DPYSL5: variants seen among roughly 807,000 people sequenced by gnomAD.
DPYSL5 encodes dihydropyrimidinase-related protein 5.
Under a neutral mutation model 58.4 loss-of-function variants are expected in DPYSL5, and 9 were observed. The observed-to-expected ratio is 0.15, with a 90% CI of 0.09 to 0.27. DPYSL5 has a LOEUF of 0.27. DPYSL5 is among the 10% of genes least tolerant of loss of function. DPYSL5 has a pLI of 1.00. For missense variants in DPYSL5, 499 were observed against 770.6 expected (o/e 0.65, Z 4.17); for synonymous variants, 293 against 301.9 (o/e 0.97, Z 0.31).
intron 1 of DPYSL5, among the ~76,000 whole-genome samples, chr2:26,889,234 A>G (rs1190522307): frequency 6.6e-6 from 1 of 151,838 alleles, no homozygotes; most frequent in Non-Finnish European, 1.5e-5. Flanking sequence ...AGCATCAACA[A>G]TCGGTAAAAC....
chr2:26,866,986 G>C (rs565219683), intron 1 of DPYSL5, among the ~76,000 whole-genome samples: 14 of 151,646 alleles, frequency 9.2e-5, no homozygotes, highest in African/African-American at 3.1e-4. Flanking sequence ...CGCATGCCTC[G>C]GCCTCCCAAA....
intron 2 of DPYSL5, among the ~76,000 whole-genome samples, chr2:26,899,256 G>A (rs1315773373): frequency 1.3e-5 from 2 of 152,074 alleles, no homozygotes; most frequent in African/African-American, 2.4e-5. Flanking sequence ...GCTGGTGGTG[G>A]GCTCTCTTTT....
chr2:26,874,460 G>A (rs1055960344), intron 1 of DPYSL5, among the ~76,000 whole-genome samples: 1 of 152,020 alleles, frequency 6.6e-6, no homozygotes, highest in Non-Finnish European at 1.5e-5. Flanking sequence ...AGCATCATTT[G>A]TTGAAAGACT....
rs1301206740 is a variant in DPYSL5, at chr2:26,948,216, G to T, written c.*1221G>T. The stretch of plus-strand genomic sequence containing the variant: ...CTGAGAGAGGAGGAGTGGGAGAGGG[G>T]CTTGCCAGACACCAGAGAGGGAGAC... On this transcript the variant is annotated 3_prime_UTR_variant, in exon 13 of 13. Transcript: ENST00000288699. 6.6e-6 allele frequency: 1 copy of T among 152,354 alleles called. No homozygotes were observed. The highest frequency in any genetic ancestry group is 2.4e-5 in the African/African-American group (1 of 41,470). 9.4% of individuals were successfully genotyped at this position (152,354 alleles called of 1,614,324 possible).
intron 1 of DPYSL5, among the ~76,000 whole-genome samples, chr2:26,880,973 C>T (rs960008647): frequency 3.9e-5 from 6 of 152,170 alleles, no homozygotes; most frequent in African/African-American, 1.2e-4. Flanking sequence ...TCAGCCATAA[C>T]GTGGGGATAA....
intron 1 of DPYSL5, among the ~76,000 whole-genome samples, chr2:26,868,347 G>A (rs1472265155): frequency 2.6e-5 from 4 of 151,850 alleles, no homozygotes; most frequent in African/African-American, 4.8e-5. Flanking sequence ...TTATCAAGTC[G>A]GAATTGTGTC....
At chr2:26,909,714 G>T (rs1460470989) in intron 2 of DPYSL5, among the ~76,000 whole-genome samples, 2 of 152,016 alleles carry the variant, frequency 1.3e-5, no homozygotes, top group African/African-American at 4.8e-5. Flanking sequence ...GTTTGAGGCT[G>T]CAGTGAGCTA....
Position 26,898,185 on chromosome 2 carries a change from G to A in DPYSL5, c.-4-311G>A, listed in dbSNP as rs144775145. 6.6e-6 allele frequency among the ~76,000 whole-genome samples: 1 copy of A among 152,280 alleles called. No homozygotes were observed. The highest frequency in any genetic ancestry group is 2.1e-4 in the South Asian group (1 of 4,828). On this transcript the variant is annotated intron_variant, in intron 1 of 12. Transcript: ENST00000288699. This position sits in a 1 kb window ranked among gnomAD's most constrained non-coding sequence, Gnocchi z 6.1. ...TGGGGATAGTAGAGATATGAGAAAT[G>A]AGATATGAGAGATAGAAAATGAGAT... is the stretch of plus-strand genomic sequence containing the variant.
rs991560530 is a variant in DPYSL5, at chr2:26,849,417, G to T, written c.-5+1163G>T. On this transcript the variant is annotated intron_variant, in intron 1 of 12. Transcript: ENST00000288699. The surrounding 1 kb of genome is among the most constrained non-coding windows in gnomAD (Gnocchi z 6.2). ...TCAGCTCCAGGCGCGGGGCCCCGCG[G>T]CCCAGGTGGCCGGCTGGGCGTGGCC... Among the ~76,000 whole-genome samples the T allele has an allele frequency of 3.9e-4, 60 of 152,076 alleles. 1 individual carries two copies. The highest frequency in any genetic ancestry group is 8.5e-4 in the Admixed American group (13 of 15,292).
At chr2:26,862,760 A>G (rs555530623) in intron 1 of DPYSL5, among the ~76,000 whole-genome samples, 12 of 152,292 alleles carry the variant, frequency 7.9e-5, no homozygotes, top group Non-Finnish European at 1.8e-4. Context: ...GGTCCAGCAG[A>G]GTGGGGCAGC....
chr2:26,865,692 G>T (rs915324517), intron 1 of DPYSL5, among the ~76,000 whole-genome samples: 10 of 152,270 alleles, frequency 6.6e-5, no homozygotes, highest in Non-Finnish European at 1.2e-4. Flanking sequence ...CATAATAGGT[G>T]TGGCCCATTA....
At chr2:26,902,037 C>G (rs1301966822) in intron 2 of DPYSL5, among the ~76,000 whole-genome samples, 3 of 152,050 alleles carry the variant, frequency 2.0e-5, no homozygotes, top group Non-Finnish European at 4.4e-5. Flanking sequence ...GCAGCACCCC[C>G]ACAACACCCC....
intron 6 of DPYSL5, among the ~76,000 whole-genome samples, chr2:26,932,173 AAG>A (rs1197619184): frequency 9.7e-5 from 7 of 72,062 alleles, no homozygotes; most frequent in Non-Finnish European, 1.8e-4. Context: ...GAAAGAAAGA[AAG>A]AAAGAAAGAA....
In DPYSL5 at chr2:26,925,454, G is replaced by A. The variant is rs573714725; in HGVS notation, c.420+409G>A. Among the ~76,000 whole-genome samples the A allele has an allele frequency of 1.5e-4, 23 of 152,202 alleles. No individual in the cohort carries two copies. The highest frequency in any genetic ancestry group is 3.2e-4 in the Non-Finnish European group (22 of 68,038). ...GTGTACTGAGAGTCCACCACACTGC[G>A]CTGAGGTCTCCGAACTGAGGCTCCC... is the stretch of plus-strand genomic sequence containing the variant. On this transcript the variant is annotated intron_variant, in intron 3 of 12. Transcript: ENST00000288699. The surrounding 1 kb of genome is among the most constrained non-coding windows in gnomAD (Gnocchi z 4.5).
chr2:26,856,919 A>C (rs1665893858), intron 1 of DPYSL5, among the ~76,000 whole-genome samples: 1 of 148,040 alleles, frequency 6.8e-6, no homozygotes, highest in African/African-American at 2.5e-5. Context: ...TAATATATGT[A>C]ATAAATATTA....
rs1312387925 is a variant in DPYSL5, at chr2:26,934,455, G to A, written c.791-123G>A. 3 of 1,197,028 alleles carry A rather than the reference G, an allele frequency of 2.5e-6. No homozygotes were observed. Among genetic ancestry groups the A allele is most frequent in the African/African-American group, 3.0e-5 (2 of 65,680 alleles). The allele number at this position is 1,197,028 out of a possible 1,614,324, so 74.2% of individuals were successfully genotyped here. On this transcript the variant is annotated intron_variant, in intron 7 of 12. Coordinates refer to ENST00000288699, the MANE Select transcript of DPYSL5 (RefSeq NM_020134.4). This position sits in a 1 kb window ranked among gnomAD's most constrained non-coding sequence, Gnocchi z 4.3. ...AGCTGTGCTCTTAAAAGCCCTGTGA[G>A]CTTGGGCAGGTCCCTTCCTGTCTCT... is the stretch of plus-strand genomic sequence containing the variant.
chr2:26,910,540 ACC>A (rs1664407855), intron 2 of DPYSL5, among the ~76,000 whole-genome samples: 2 of 150,624 alleles, frequency 1.3e-5, no homozygotes, highest in South Asian at 4.2e-4. Flanking sequence ...CACACCTTTT[ACC>A]CATGTTTTAG....
chr2:26,876,692 T>A (rs1294455067), intron 1 of DPYSL5, among the ~76,000 whole-genome samples: 2 of 151,718 alleles, frequency 1.3e-5, no homozygotes, highest in South Asian at 4.2e-4. Context: ...ACTTTTGTAT[T>A]TTTAGTGGAG....
intron 2 of DPYSL5, among the ~76,000 whole-genome samples, chr2:26,906,418 G>A (rs766424146): frequency 3.9e-5 from 6 of 152,164 alleles, no homozygotes; most frequent in South Asian, 2.1e-4. Context: ...TCTTGACCTC[G>A]TGATCTGCCT....
Sources: allele counts gnomAD v4.1 joint callset (sites outside exome capture counted in the v4.1 genomes callset), GRCh38; gene constraint gnomAD v4.1.1; non-coding constraint Gnocchi (gnomAD v3.1); transcripts MANE v1.5; gene names NCBI Gene and HGNC (gene_info 2026-07-23, HGNC 2026-07-21).